Variants in CFAP44 observed in about 807,000 individuals in gnomAD.
CFAP44 encodes the protein cilia and flagella associated protein 44, also known as cilia- and flagella-associated protein 44.
Under a neutral mutation model 216.2 loss-of-function variants are expected in CFAP44, and 134 were observed. The ratio of observed to expected loss-of-function variants is 0.62; its 90% CI spans 0.54 to 0.72. The LOEUF is 0.72. Ranked by LOEUF, CFAP44 falls within the 30% of genes least tolerant of loss-of-function variation. The probability of loss-of-function intolerance (pLI) is 0.00; values close to 1 mark genes in which losing one functional copy is unlikely to be tolerated. For synonymous variants in CFAP44, 700 were observed against 727.6 expected, an observed-to-expected ratio of 0.96 and a Z score of 0.61; for missense variants, 2,035 against 2,182.1, an observed-to-expected ratio of 0.93 and a Z score of 1.34.
At position 113,407,261 on chromosome 3, in the gene CFAP44, G is replaced by C. The variant is rs11927782; in HGVS notation, c.891-220C>G. Among the ~76,000 whole-genome samples the C allele has an allele frequency of 1.9e-3, 290 of 152,248 alleles. 2 individuals carry two copies. The highest frequency in any genetic ancestry group is 5.7e-3 in the African/African-American group (238 of 41,560). On this transcript the variant is annotated intron_variant, in intron 7 of 34. Coordinates refer to ENST00000393845, the MANE Select transcript of CFAP44 (RefSeq NM_001164496.2). ...AAACAGGCGAAAAATAAAATTTCCT[G>C]CTTTCATGCATCTTATATTTTAGGG...
At chr3:113,360,873 T>C in intron 21 of CFAP44, 1 of 195,988 alleles carries the variant, frequency 5.1e-6, no homozygotes, top group Non-Finnish European at 1.1e-5. Flanking sequence ...TACAAGATTC[T>C]CTTTTTGTGT....
At chr3:113,345,512 C>T (rs996001409) in intron 22 of CFAP44, among the ~76,000 whole-genome samples, 15 of 152,184 alleles carry the variant, frequency 9.9e-5, no homozygotes, top group Non-Finnish European at 1.5e-5. Flanking sequence ...CATTTCTACT[C>T]TTTGCCCCTC....
chr3:113,396,957 T>C (rs1338963965), intron 13 of CFAP44, among the ~76,000 whole-genome samples: 1 of 152,100 alleles, frequency 6.6e-6, no homozygotes, highest in Admixed American at 6.5e-5. Context: ...AACAGCAGAG[T>C]GTCTGCCTAC....
At chr3:113,295,321 C>T (rs1294940660) in intron 33 of CFAP44, among the ~76,000 whole-genome samples, 1 of 152,226 alleles carries the variant, frequency 6.6e-6, no homozygotes, top group African/African-American at 2.4e-5. Flanking sequence ...CTGCCTAAGC[C>T]TCTCAAGTAG....
chr3:113,392,645 C>A (rs1014220054), intron 15 of CFAP44, among the ~76,000 whole-genome samples: 1 of 151,902 alleles, frequency 6.6e-6, no homozygotes, highest in Non-Finnish European at 1.5e-5. Flanking sequence ...GCATTATATG[C>A]CTTATCAAAA....
chr3:113,409,219 C>A lies in CFAP44; in HGVS notation c.777G>T (p.Trp259Cys), dbSNP rs2107372802. 1 of 1,614,044 alleles carries A rather than the reference C, an allele frequency of 6.2e-7. No homozygotes were observed. The highest frequency in any genetic ancestry group is 8.5e-7 in the Non-Finnish European group (1 of 1,180,010). ...NPDYTLTIWN[W>C]KEEQPILRTK... is the part of the protein sequence containing the mutation. ...TCCTTAGTATGGGTTGTTCTTCTTTCCAGTTCCAGATAGTCAGTGTGTAGT... is the reference window on the plus strand; with the variant it reads ...TCCTTAGTATGGGTTGTTCTTCTTTACAGTTCCAGATAGTCAGTGTGTAGT... The change falls in exon 7 of 35, where the codon TGG becomes TGT. Residue 259 changes from tryptophan (W) to cysteine (C), a missense_variant. Physicochemically the swap from Trp to Cys is radical, Grantham distance 215. Coordinates refer to ENST00000393845, the MANE Select transcript of CFAP44 (RefSeq NM_001164496.2).
At chr3:113,348,862 T>C (rs951082240) in intron 22 of CFAP44, among the ~76,000 whole-genome samples, 2 of 152,208 alleles carry the variant, frequency 1.3e-5, no homozygotes, top group African/African-American at 4.8e-5. Flanking sequence ...ACCTTTGACC[T>C]CACTTGGAGA....
chr3:113,418,844 A>G (rs1934726857), intron 5 of CFAP44, among the ~76,000 whole-genome samples: 1 of 151,988 alleles, frequency 6.6e-6, no homozygotes, highest in African/African-American at 2.4e-5. Context: ...AGCCGGGATT[A>G]CAGGCGCGTG....
intron 15 of CFAP44, among the ~76,000 whole-genome samples, chr3:113,390,092 C>A (rs1441098631): frequency 6.6e-6 from 1 of 152,034 alleles, no homozygotes; most frequent in African/African-American, 2.4e-5. Flanking sequence ...TGATGCAAAA[C>A]CTCAACAAAA....
Position 113,366,152 on chromosome 3 carries a change from A to C in CFAP44, c.2602T>G (p.Phe868Val), listed in dbSNP as rs1932932126. 1 of 1,614,106 alleles carries C rather than the reference A, an allele frequency of 6.2e-7. No individual in the cohort carries two copies. Among genetic ancestry groups the C allele is most frequent in the Admixed American group, 1.7e-5 (1 of 60,028 alleles). ...GCAGTCACCAAGAAACGATCATCAA[A>C]GCTATTAGCAATACTTTTAATACAT... ...YGCIKSIANS[F>V]DDRFLVTAGA... The change falls in exon 19 of 35, where the codon TTT (phenylalanine) becomes GTT (valine). Residue 868 changes from phenylalanine to valine, a missense_variant. Physicochemically the swap from Phe to Val is conservative, Grantham distance 50. This residue lies in a region of CFAP44 where 1,883 missense variants were observed against 2,023.7 expected (regional missense o/e 0.93). Transcript: ENST00000393845.
Position 113,379,338 on chromosome 3 carries a change from A to C in CFAP44, c.2266T>G (p.Tyr756Asp). 1 of 1,601,882 alleles carries C rather than the reference A, an allele frequency of 6.2e-7. No homozygotes were observed. The highest frequency in any genetic ancestry group is 2.2e-5 in the East Asian group (1 of 44,674). Residue 756 changes from tyrosine (Y) to aspartate (D), a missense_variant, in exon 17 of 35, where the codon TAC becomes GAC. Around this residue, in one of 3 missense-constraint regions of CFAP44, gnomAD observed 1,883 missense variants for 2,023.7 expected, o/e 0.93. Transcript: ENST00000393845. ...STPSPILCGF[Y>D]SEPGKFWVSL... The stretch of plus-strand genomic sequence containing the variant: ...ACCCAGAACTTCCCTGGCTCTGAGT[A>C]AAATCCACAGAGGATGGGAGAGGGG...
At chr3:113,320,224 GTCTCTCTCTCTC>G (rs111963316) in intron 28 of CFAP44, among the ~76,000 whole-genome samples, 2 of 141,442 alleles carry the variant, frequency 1.4e-5, no homozygotes, top group African/African-American at 2.6e-5. Flanking sequence ...AGGTATATTA[GTCTCTCTCTCTC>G]TCTCTCTCTC....
chr3:113,311,719 T>C (rs1044161603), intron 28 of CFAP44, among the ~76,000 whole-genome samples: 10 of 152,014 alleles, frequency 6.6e-5, no homozygotes, highest in African/African-American at 2.4e-4. Context: ...TTGGAACAGT[T>C]TGGAGGGCTC....
At position 113,288,279 on chromosome 3, in the gene CFAP44, G is replaced by C. The variant is rs1949794323; in HGVS notation, c.*3278C>G. 1 of 152,166 alleles carries C rather than the reference G, an allele frequency of 6.6e-6. No individual in the cohort carries two copies. Among genetic ancestry groups the C allele is most frequent in the Non-Finnish European group, 1.5e-5 (1 of 68,042 alleles). The allele number at this position is 152,166 out of a possible 1,614,324, so 9.4% of individuals were successfully genotyped here. A position where few individuals can be genotyped will look rare whatever the true frequency, so the allele number is the denominator to read the frequency against. ...GCTGGCCAAAATAAGTATAGCACCT[G>C]CTATTCCTGACTTCTGCATCCTTTT... On this transcript the variant is annotated 3_prime_UTR_variant, in exon 35 of 35. Transcript: ENST00000393845.
chr3:113,340,115 C>T (rs1004201121), intron 24 of CFAP44, among the ~76,000 whole-genome samples: 10 of 152,130 alleles, frequency 6.6e-5, no homozygotes, highest in African/African-American at 2.4e-4. Flanking sequence ...TTGCCTGCTG[C>T]GGGCATGCCC....
At chr3:113,302,457 T>TTAAAAAAAAAAAAAAAAAAAA (rs1949944738) in intron 32 of CFAP44, among the ~76,000 whole-genome samples, 1 of 75,812 alleles carries the variant, frequency 1.3e-5, no homozygotes, top group Non-Finnish European at 2.8e-5. Context: ...CTAGACAAAG[T>TTAAAAAAAAAAAAAAAAAAAA]AAAAAAAAAA....
chr3:113,408,663 G>A (rs767987614), intron 7 of CFAP44, among the ~76,000 whole-genome samples: 14 of 151,960 alleles, frequency 9.2e-5, no homozygotes, highest in Non-Finnish European at 1.6e-4. Flanking sequence ...TCAGGAGTTC[G>A]AGACCAGCCT....
At chr3:113,438,158 T>C (rs965988220) in intron 1 of CFAP44, among the ~76,000 whole-genome samples, 5 of 152,200 alleles carry the variant, frequency 3.3e-5, no homozygotes, top group African/African-American at 1.2e-4. Context: ...TACTAGGCAC[T>C]CAGAAATGGC....
At position 113,389,034 on chromosome 3, in the gene CFAP44, A is replaced by G. The variant is rs545463496; in HGVS notation, c.1890+6716T>C. 1.6e-3 allele frequency among the ~76,000 whole-genome samples: 244 copies of G among 152,328 alleles called. 1 individual carries two copies. Among genetic ancestry groups the G allele is most frequent in the African/African-American group, 5.5e-3 (227 of 41,572 alleles). The stretch of plus-strand genomic sequence containing the variant: ...ACTATAGACCAAATTGACCTAATAG[A>G]TATTTATAGAACTTTTTATCCAATG... On this transcript the variant is annotated intron_variant, in intron 15 of 34. Coordinates refer to ENST00000393845, the MANE Select transcript of CFAP44 (RefSeq NM_001164496.2).
Sources: allele counts gnomAD v4.1 joint callset (sites outside exome capture counted in the v4.1 genomes callset), GRCh38; gene constraint gnomAD v4.1.1; regional missense constraint gnomAD v4.1.1; transcripts MANE v1.5; gene names NCBI Gene and HGNC (gene_info 2026-07-23, HGNC 2026-07-21).